Variants in GNA12 observed in about 807,000 individuals in gnomAD.
GNA12 encodes the protein G protein subunit alpha 12.
A neutral mutation model predicts 26.0 loss-of-function variants in GNA12; 9 were observed. The ratio of observed to expected loss-of-function variants is 0.35; its 90% confidence interval spans 0.21 to 0.60. The LOEUF is 0.60. Among genes scored for constraint, GNA12 ranks in the 20% least tolerant of loss-of-function variants. GNA12 has a pLI of 0.78. For synonymous variants in GNA12, 264 were observed against 219.6 expected, an observed-to-expected ratio of 1.20 and a Z score of -1.79; for missense variants, 405 against 525.8, an observed-to-expected ratio of 0.77 and a Z score of 2.25.
chr7:2,769,696 G>A (rs112460593), intron 2 of GNA12, among the ~76,000 whole-genome samples: 5,277 of 152,102 alleles, frequency 0.035, 281 homozygotes, highest in African/African-American at 0.1. Context: ...TCGCACCACC[G>A]CACTCCAGCC....
At position 2,794,915 on chromosome 7, in the gene GNA12, C is replaced by G. The variant is rs746997653; in HGVS notation, c.525+13G>C. 2.8e-5 allele frequency: 45 copies of G among 1,584,992 alleles called. No homozygotes were observed. Among genetic ancestry groups the G allele is most frequent in the South Asian group, 1.5e-4 (14 of 90,568 alleles). On this transcript the variant is annotated intron_variant, in intron 2 of 3. Transcript: ENST00000275364. The stretch of plus-strand genomic sequence containing the variant: ...CACTATCAGGTGCCCAGCAAGAAGG[C>G]CTACTCACTCACCAGCTGAAACTCG...
chr7:2,774,151 G>A (rs1399832808), intron 2 of GNA12, among the ~76,000 whole-genome samples: 1 of 152,026 alleles, frequency 6.6e-6, no homozygotes, highest in African/African-American at 2.4e-5. Flanking sequence ...TGGGGCACAG[G>A]TCATTGTTTC....
At chr7:2,784,618 T>C (rs1278072237) in intron 2 of GNA12, among the ~76,000 whole-genome samples, 1 of 152,188 alleles carries the variant, frequency 6.6e-6, no homozygotes, top group Non-Finnish European at 1.5e-5. Flanking sequence ...ACTCCCAACC[T>C]AGCTGACAAA....
chr7:2,792,363 C>G (rs532621445), intron 2 of GNA12, among the ~76,000 whole-genome samples: 2 of 152,288 alleles, frequency 1.3e-5, no homozygotes, highest in South Asian at 2.1e-4. Context: ...ACTTCCATGT[C>G]GTGACAATAC....
At chr7:2,770,673 C>CA (rs752141065) in intron 2 of GNA12, among the ~76,000 whole-genome samples, 28 of 152,210 alleles carry the variant, frequency 1.8e-4, no homozygotes, top group Admixed American at 2.0e-4. Flanking sequence ...CAAAACAACA[C>CA]ACAGAAAGAA....
chr7:2,806,754 G>A (rs1312917092), intron 1 of GNA12, among the ~76,000 whole-genome samples: 2 of 152,118 alleles, frequency 1.3e-5, no homozygotes, highest in African/African-American at 4.8e-5. Context: ...AGAGTAGTCC[G>A]ACATGTGGGA....
intron 2 of GNA12, among the ~76,000 whole-genome samples, chr7:2,752,019 G>A (rs1791065503): frequency 6.6e-6 from 1 of 152,148 alleles, no homozygotes; most frequent in Middle Eastern, 3.4e-3. Flanking sequence ...GCATCATCCT[G>A]GTACCCACAC....
At chr7:2,828,359 A>AT (rs923115300) in intron 1 of GNA12, among the ~76,000 whole-genome samples, 2 of 152,152 alleles carry the variant, frequency 1.3e-5, no homozygotes, top group Non-Finnish European at 2.9e-5. Flanking sequence ...AGTTATTTTT[A>AT]TTTTTTCAGA....
At position 2,839,633 on chromosome 7, in the gene GNA12, C is replaced by T. The variant is rs367847182; in HGVS notation, c.309+4220G>A. Among the ~76,000 whole-genome samples, 76 of 152,344 alleles carry T rather than the reference C, an allele frequency of 5.0e-4. No homozygotes were observed. The East Asian group carries it at 5.0e-3, about 10-fold the overall frequency. ...TCCTGGGTTCAAGCAATCTGCCTGTCTTGGCCTCCCAAAGTGCTGGGATTA... is the reference window on the plus strand; with the variant it reads ...TCCTGGGTTCAAGCAATCTGCCTGTTTTGGCCTCCCAAAGTGCTGGGATTA... On this transcript the variant is annotated intron_variant, in intron 1 of 3. Transcript: ENST00000275364.
At position 2,824,459 on chromosome 7, in the gene GNA12, C is replaced by A. The variant is rs113517479; in HGVS notation, c.309+19394G>T. 4.6e-4 allele frequency among the ~76,000 whole-genome samples: 70 copies of A among 152,308 alleles called. 1 individual carries two copies. Among genetic ancestry groups the A allele is most frequent in the African/African-American group, 1.6e-3 (66 of 41,564 alleles). On this transcript the variant is annotated intron_variant, in intron 1 of 3. Transcript: ENST00000275364. Reference sequence around the variant, plus strand: ...CATCACCTCTGCAGGCGGCTCCCTGCCACCCCTGACATGGACACGCTCTCG... The same window carrying A: ...CATCACCTCTGCAGGCGGCTCCCTGACACCCCTGACATGGACACGCTCTCG...
rs531714789 is a variant in GNA12 at position 2,825,419 on chromosome 7, A to G, written c.309+18434T>C. 7.3e-5 allele frequency among the ~76,000 whole-genome samples: 11 copies of G among 150,178 alleles called. No individual in the cohort carries two copies. In the Admixed American group the frequency reaches 7.4e-4, roughly 10 times the overall value. ...GGGAAGGGGCGGACAGAAGCTTCCCAGCATGTGCGCCCCCAGCAGTGTATG... is the reference window on the plus strand; with the variant it reads ...GGGAAGGGGCGGACAGAAGCTTCCCGGCATGTGCGCCCCCAGCAGTGTATG... On this transcript the variant is annotated intron_variant, in intron 1 of 3. Coordinates refer to ENST00000275364, the MANE Select transcript of GNA12 (RefSeq NM_007353.3).
chr7:2,762,823 A>C, intron 2 of GNA12: 1 of 1,521,810 alleles, frequency 6.6e-7, no homozygotes, highest in South Asian at 1.3e-5. Context: ...CCCATCCGCC[A>C]CACACCCAGT....
Position 2,796,596 on chromosome 7 carries a change from TACG to T in GNA12, c.310-1456_310-1454del, listed in dbSNP as rs1792684161. Among the ~76,000 whole-genome samples, 2 of 152,152 alleles carry T rather than the reference TACG, an allele frequency of 1.3e-5. 1 individual carries two copies. The highest frequency in any genetic ancestry group is 4.1e-4 in the South Asian group (2 of 4,826). On this transcript the variant is annotated intron_variant, in intron 1 of 3. Transcript: ENST00000275364. ...GTCATGAGACAGGAAAAGACTAAAA[TACG>T]ACAAGCCAAGTAGCCCGCCCACCAA...
chr7:2,827,496 C>G (rs1208682254), intron 1 of GNA12, among the ~76,000 whole-genome samples: 5 of 152,208 alleles, frequency 3.3e-5, no homozygotes, highest in African/African-American at 1.2e-4. Flanking sequence ...AATTCAAGCA[C>G]TGTGGCCCGG....
At chr7:2,807,903 C>G (rs1792987643) in intron 1 of GNA12, among the ~76,000 whole-genome samples, 1 of 152,178 alleles carries the variant, frequency 6.6e-6, no homozygotes, top group Non-Finnish European at 1.5e-5. Flanking sequence ...CCGCTGAGCT[C>G]ATGAAAAACC....
chr7:2,839,181 C>A (rs1478754552), intron 1 of GNA12, among the ~76,000 whole-genome samples: 5 of 152,240 alleles, frequency 3.3e-5, no homozygotes, highest in African/African-American at 9.6e-5. Flanking sequence ...ACAGTATACT[C>A]TCTGTCCATA....
intron 1 of GNA12, among the ~76,000 whole-genome samples, chr7:2,842,130 A>AGGAAGGG (rs1779013230): frequency 1.4e-5 from 2 of 147,220 alleles, no homozygotes; most frequent in Non-Finnish European, 2.9e-5. Context: ...GAAGAAAAGA[A>AGGAAGGG]AGGAAGGAAA....
chr7:2,760,015 AGTTTTAAAAGTAT>A (rs1364499325), intron 2 of GNA12, among the ~76,000 whole-genome samples: 1 of 152,266 alleles, frequency 6.6e-6, no homozygotes, highest in Non-Finnish European at 1.5e-5. Context: ...AGGAACACTC[AGTTTTAAAAGTAT>A]TTTTTAAAAT....
At chr7:2,778,616 G>A (rs1052334130) in intron 2 of GNA12, among the ~76,000 whole-genome samples, 1 of 152,168 alleles carries the variant, frequency 6.6e-6, no homozygotes. Flanking sequence ...TCCTCCTATA[G>A]CTCATAGCCC....
Sources: allele counts gnomAD v4.1 joint callset (sites outside exome capture counted in the v4.1 genomes callset), GRCh38; gene constraint gnomAD v4.1.1; transcripts MANE v1.5; gene names NCBI Gene and HGNC (gene_info 2026-07-23, HGNC 2026-07-21).